RBL1: variants seen among roughly 807,000 people sequenced by gnomAD.
RBL1 encodes RB transcriptional corepressor like 1, also known as retinoblastoma-like protein 1.
In RBL1, 82 loss-of-function variants were observed where a neutral mutation model predicts 123.0. The observed-to-expected ratio is 0.67, with a 90% confidence interval of 0.56 to 0.80. The LOEUF (loss-of-function observed/expected upper bound fraction) is 0.80. RBL1 is among the 30% of genes least tolerant of loss of function. RBL1 has a pLI of 0.00. For missense variants in RBL1, 1,171 were observed against 1,299.6 expected, an observed-to-expected ratio of 0.90 and a Z score of 1.52; for synonymous variants, 405 against 441.3, an observed-to-expected ratio of 0.92 and a Z score of 1.03.
intron 19 of RBL1, among the ~76,000 whole-genome samples, chr20:37,009,944 G>A (rs1213056749): frequency 4.6e-5 from 7 of 151,886 alleles, no homozygotes; most frequent in Non-Finnish European, 4.4e-5. Flanking sequence ...AGGATCGCTT[G>A]AACCCAGGAA....
intron 19 of RBL1, among the ~76,000 whole-genome samples, chr20:37,013,585 T>TAAA (rs5841249): frequency 8.9e-5 from 9 of 101,424 alleles, no homozygotes; most frequent in South Asian, 3.5e-4. Context: ...GAATGATCAA[T>TAAA]AAAAAAAAAA....
intron 3 of RBL1, among the ~76,000 whole-genome samples, 174 bp downstream of exon 3, chr20:37,067,812 A>G (rs2065205815): frequency 6.6e-6 from 1 of 151,584 alleles, no homozygotes; most frequent in Non-Finnish European, 1.5e-5. Flanking sequence ...AAGAAAAATA[A>G]GTAAAAGTAT....
intron 11 of RBL1, chr20:37,049,762 T>A (rs1299106314): frequency 5.7e-6 from 3 of 524,222 alleles, no homozygotes; most frequent in Admixed American, 6.4e-5. Flanking sequence ...TTTAAAATAT[T>A]TTTTAGAGAG....
At chr20:37,016,060 C>T (rs1277886406) in intron 19 of RBL1, among the ~76,000 whole-genome samples, 5 of 138,474 alleles carry the variant, frequency 3.6e-5, no homozygotes, top group Admixed American at 7.5e-5. Context: ...TGGAGTCTCA[C>T]GCTGTCACCC....
intron 13 of RBL1, 95 bp from the exon 14 acceptor site, chr20:37,040,380 C>A: frequency 1.3e-6 from 2 of 1,485,716 alleles, no homozygotes; most frequent in East Asian, 2.5e-5. Flanking sequence ...GAGATAAAGT[C>A]TCATTCTGTT....
chr20:37,037,488 C>T (rs1292909276), intron 14 of RBL1, among the ~76,000 whole-genome samples: 2 of 151,960 alleles, frequency 1.3e-5, no homozygotes, highest in Non-Finnish European at 2.9e-5. Flanking sequence ...CTCAATATTT[C>T]GTAAGTTTTA....
intron 19 of RBL1, among the ~76,000 whole-genome samples, chr20:37,009,397 G>C (rs1414604314): frequency 1.3e-5 from 2 of 151,918 alleles, no homozygotes; most frequent in Non-Finnish European, 2.9e-5. Context: ...AGCTCTTCTA[G>C]GTTATTCTCA....
chr20:36,998,875 G>T lies in RBL1; in HGVS notation c.3091C>A (p.Arg1031=). The change falls in exon 22 of 22, where the codon CGA becomes AGA. Residue 1031 remains arginine, a synonymous_variant. Transcript: ENST00000373664. ...GCATCACTATCGATGGCTATTACTCGCTTCTTGGTTCTCTGCTCACCTTGC... is the reference window on the plus strand; with the variant it reads ...GCATCACTATCGATGGCTATTACTCTCTTCTTGGTTCTCTGCTCACCTTGC... The part of the protein sequence containing the change: ...IRQGEQRTKK[R]VIAIDSDAES... The T allele has an allele frequency of 6.2e-7, 1 of 1,613,336 alleles. No individual in the cohort carries two copies.
intron 2 of RBL1, among the ~76,000 whole-genome samples, chr20:37,078,543 A>AGCACTC (rs1275067188): frequency 6.6e-6 from 1 of 152,148 alleles, no homozygotes; most frequent in Non-Finnish European, 1.5e-5. Flanking sequence ...CATTTTGTTG[A>AGCACTC]GCACTCCTTA....
intron 13 of RBL1, among the ~76,000 whole-genome samples, chr20:37,043,162 G>GCACA (rs147834827): frequency 0.25 from 36,898 of 147,746 alleles, 5,167 homozygotes; most frequent in African/African-American, 0.38. Context: ...ATGCGCGCGT[G>GCACA]CACACACACA....
chr20:37,020,680 A>C lies in RBL1; in HGVS notation c.2610T>G (p.Asn870Lys). 6.3e-7 allele frequency: 1 copy of C among 1,588,330 alleles called. No individual in the cohort carries two copies. Among genetic ancestry groups the C allele is most frequent in the Non-Finnish European group, 8.6e-7 (1 of 1,164,874 alleles). Residue 870 changes from asparagine to lysine, a missense_variant, in exon 18 of 22, where the codon AAT becomes AAG. Transcript: ENST00000373664. The stretch of plus-strand genomic sequence containing the variant: ...TCACGTGACTATTAGCTTGGGGCTG[A>C]TTCCTATAACTTTTCATAATTTCTT... ...TFQEIMKSYR[N>K]QPQANSHVYR...
intron 11 of RBL1, among the ~76,000 whole-genome samples, chr20:37,053,440 G>T (rs1364692109): frequency 2.0e-5 from 3 of 152,186 alleles, no homozygotes; most frequent in Non-Finnish European, 4.4e-5. Context: ...AAGTGTGGGT[G>T]TGTGTGTGTC....
intron 21 of RBL1, among the ~76,000 whole-genome samples, chr20:37,002,657 C>T: frequency 6.6e-6 from 1 of 151,110 alleles, no homozygotes; most frequent in Non-Finnish European, 1.5e-5. Flanking sequence ...TTTTAACAAG[C>T]CCTCCCAATG....
intron 2 of RBL1, among the ~76,000 whole-genome samples, chr20:37,070,469 AAAAT>A (rs2065266721): frequency 6.6e-6 from 1 of 151,896 alleles, no homozygotes; most frequent in East Asian, 1.9e-4. Flanking sequence ...TTATCAATAA[AAAAT>A]AAATAAATTT....
chr20:37,018,215 A>C (rs970738840), intron 19 of RBL1, 64 bp downstream of exon 19: 1 of 1,442,072 alleles, frequency 6.9e-7, no homozygotes, highest in East Asian at 2.6e-5. Flanking sequence ...TCTGACACCC[A>C]CTGTATTATG....
intron 13 of RBL1, among the ~76,000 whole-genome samples, chr20:37,043,676 A>G (rs1472121778): frequency 6.6e-6 from 1 of 152,170 alleles, no homozygotes; most frequent in Non-Finnish European, 1.5e-5. Context: ...CCTTAAAAAA[A>G]GAGAGGAAAT....
At chr20:37,065,084 A>G (rs1394651633) in intron 7 of RBL1, among the ~76,000 whole-genome samples, 20 of 151,972 alleles carry the variant, frequency 1.3e-4, no homozygotes, top group Non-Finnish European at 2.4e-4. Context: ...GGCTCACACC[A>G]CTACGTCTGG....
At chr20:37,083,558 G>A (rs1452208962) in intron 2 of RBL1, among the ~76,000 whole-genome samples, 1 of 144,892 alleles carries the variant, frequency 6.9e-6, no homozygotes, top group Non-Finnish European at 1.5e-5. Context: ...AGGCCGAGGT[G>A]GATGGATCAC....
chr20:37,012,003 CAGG>C (rs1401262568), intron 19 of RBL1, among the ~76,000 whole-genome samples: 1 of 152,218 alleles, frequency 6.6e-6, no homozygotes, highest in Non-Finnish European at 1.5e-5. Context: ...CCTGCGATTG[CAGG>C]CGCGCGCTGT....
Sources: gnomAD v4.1 joint callset for allele counts (sites outside exome capture counted in the v4.1 genomes callset) on GRCh38, gnomAD v4.1.1 for gene constraint, MANE v1.5 for transcripts, NCBI Gene and HGNC (gene_info 2026-07-23, HGNC 2026-07-21) for gene names.